CPNE4: variants seen among roughly 807,000 people sequenced by gnomAD.
CPNE4 encodes the protein copine 4.
A neutral mutation model predicts 67.9 loss-of-function variants in CPNE4; 25 were observed. The observed-to-expected ratio is 0.37, with a 90% CI of 0.27 to 0.51. The LOEUF (loss-of-function observed/expected upper bound fraction) is 0.51, where lower values mean the gene tolerates loss of function less well. CPNE4 is among the 20% of genes least tolerant of loss of function. CPNE4 has a pLI of 0.93. For missense variants in CPNE4, 464 were observed against 690.8 expected (o/e 0.67, Z 3.68); for synonymous variants, 242 against 244.9 (o/e 0.99, Z 0.11).
intron 1 of CPNE4, among the ~76,000 whole-genome samples, chr3:132,012,077 C>G (rs1340168718): frequency 6.6e-5 from 10 of 151,788 alleles, no homozygotes; most frequent in African/African-American, 2.2e-4. Flanking sequence ...CACAACTATT[C>G]AATTTTGCCA....
chr3:131,889,939 T>G (rs989293325), intron 2 of CPNE4, among the ~76,000 whole-genome samples: 1 of 152,024 alleles, frequency 6.6e-6, no homozygotes, highest in South Asian at 2.1e-4. Flanking sequence ...CAAAATCAAC[T>G]AATAATGGAT....
rs776056426 is a variant in CPNE4, at chr3:131,588,704, A to C, written c.682-1122T>G. Among the ~76,000 whole-genome samples the C allele has an allele frequency of 2.0e-5, 3 of 152,254 alleles. No individual in the cohort carries two copies. In the South Asian group the frequency reaches 6.2e-4, roughly 32 times the overall value. ...ACTCATTTATTTTCTGTCACAGTGA[A>C]TTGCATCAACACTCATTCAGTTACT... is the stretch of plus-strand genomic sequence containing the variant. On this transcript the variant is annotated intron_variant, in intron 7 of 15. Transcript: ENST00000429747.
chr3:131,661,588 A>G (rs2080126745), intron 7 of CPNE4, among the ~76,000 whole-genome samples: 1 of 152,156 alleles, frequency 6.6e-6, no homozygotes, highest in African/African-American at 2.4e-5. Flanking sequence ...GATCCAATAT[A>G]GAGACACCTC....
chr3:131,642,650 C>G (rs949127146), intron 7 of CPNE4, among the ~76,000 whole-genome samples: 6 of 152,080 alleles, frequency 3.9e-5, no homozygotes, highest in Non-Finnish European at 8.8e-5. Context: ...GGGCAGTTAC[C>G]CCCATGCTGC....
At chr3:131,998,626 T>G (rs2073354594) in intron 1 of CPNE4, among the ~76,000 whole-genome samples, 1 of 152,138 alleles carries the variant, frequency 6.6e-6, no homozygotes, top group Non-Finnish European at 1.5e-5. Context: ...TTTTCTTAAG[T>G]GTTTCTGACC....
intron 7 of CPNE4, among the ~76,000 whole-genome samples, chr3:131,663,713 C>T (rs10934970): frequency 0.92 from 139,363 of 152,110 alleles, 64,376 homozygotes; most frequent in Middle Eastern, 0.97. Context: ...CTGTTTTAAA[C>T]CAACCAGGCA....
chr3:131,784,741 C>T (rs1488335625), intron 2 of CPNE4, among the ~76,000 whole-genome samples: 2 of 152,104 alleles, frequency 1.3e-5, no homozygotes, highest in South Asian at 4.1e-4. Context: ...TTAATTCTTG[C>T]TTTCTGACAT....
intron 1 of CPNE4, among the ~76,000 whole-genome samples, chr3:131,950,593 C>T (rs1184842118): frequency 6.6e-6 from 1 of 152,156 alleles, no homozygotes; most frequent in African/African-American, 2.4e-5. Flanking sequence ...TGCAAAAGCA[C>T]CATGAATATT....
chr3:131,842,746 A>AAAAAAAG (rs1553784371), intron 2 of CPNE4, among the ~76,000 whole-genome samples: 1 of 149,702 alleles, frequency 6.7e-6, no homozygotes, highest in African/African-American at 2.5e-5. Context: ...AAAAAAAAAA[A>AAAAAAAG]AAAGAAAAAG....
intron 7 of CPNE4, among the ~76,000 whole-genome samples, chr3:131,658,488 A>C (rs1382162469): frequency 6.6e-6 from 1 of 152,218 alleles, no homozygotes; most frequent in African/African-American, 2.4e-5. Flanking sequence ...AAGAAAGAAC[A>C]ATTCACACAC....
chr3:131,785,849 C>T (rs2083548207), intron 2 of CPNE4, among the ~76,000 whole-genome samples: 1 of 152,034 alleles, frequency 6.6e-6, no homozygotes, highest in Admixed American at 6.6e-5. Context: ...CTTAAGGAAG[C>T]CATAAGTTCT....
At chr3:132,009,626 G>A (rs2073699094) in intron 1 of CPNE4, among the ~76,000 whole-genome samples, 2 of 152,198 alleles carry the variant, frequency 1.3e-5, no homozygotes, top group South Asian at 4.1e-4. Context: ...CAGGGAGAAT[G>A]ACCCAGGTCA....
chr3:132,013,106 C>T (rs1358366960), intron 1 of CPNE4, among the ~76,000 whole-genome samples: 1 of 152,116 alleles, frequency 6.6e-6, no homozygotes, highest in South Asian at 2.1e-4. Flanking sequence ...GCCTGTAATC[C>T]CAGCTACTCA....
chr3:131,710,000 T>C lies in CPNE4; in HGVS notation c.361-10020A>G, dbSNP rs534757633. ...ATCATTATTATCTGTTATTGTATCATGTAGGAATAGGTAAGCTCCATGAGG... is the reference window on the plus strand; with the variant it reads ...ATCATTATTATCTGTTATTGTATCACGTAGGAATAGGTAAGCTCCATGAGG... On this transcript the variant is annotated intron_variant, in intron 3 of 15. Transcript: ENST00000429747. Among the ~76,000 whole-genome samples the C allele has an allele frequency of 3.9e-5, 6 of 152,336 alleles. No individual in the cohort carries two copies. The South Asian group carries it at 1.2e-3, about 32-fold the overall frequency.
At chr3:131,988,303 T>G (rs2073101592) in intron 1 of CPNE4, among the ~76,000 whole-genome samples, 1 of 152,172 alleles carries the variant, frequency 6.6e-6, no homozygotes, top group South Asian at 2.1e-4. Context: ...AAAGCAGGGC[T>G]TGATGAGCCA....
intron 7 of CPNE4, among the ~76,000 whole-genome samples, chr3:131,661,712 A>G (rs1025915685): frequency 6.6e-6 from 1 of 152,152 alleles, no homozygotes; most frequent in Non-Finnish European, 1.5e-5. Flanking sequence ...CTTGAATCTG[A>G]CCAGATCTCC....
chr3:131,953,127 C>A (rs2071820648), intron 1 of CPNE4, among the ~76,000 whole-genome samples: 1 of 151,606 alleles, frequency 6.6e-6, no homozygotes, highest in African/African-American at 2.4e-5. Flanking sequence ...GGTCCTCTGC[C>A]TAGGAAAACC....
intron 9 of CPNE4, among the ~76,000 whole-genome samples, chr3:131,579,491 T>A (rs1017741052): frequency 5.3e-5 from 8 of 152,220 alleles, no homozygotes; most frequent in Non-Finnish European, 8.8e-5. Flanking sequence ...TTCATAAGGT[T>A]ATAACTATCA....
intron 4 of CPNE4, among the ~76,000 whole-genome samples, chr3:131,697,547 T>G (rs993582696): frequency 1.3e-5 from 2 of 152,154 alleles, no homozygotes; most frequent in Non-Finnish European, 2.9e-5. Flanking sequence ...TTTTGGAAAA[T>G]TTAAATTATT....
Sources: allele counts gnomAD v4.1 joint callset (sites outside exome capture counted in the v4.1 genomes callset), GRCh38; gene constraint gnomAD v4.1.1; transcripts MANE v1.5; gene names NCBI Gene and HGNC (gene_info 2026-07-23, HGNC 2026-07-21).